The following ANK2 variants were observed in gnomAD, a reference collection of about 807,000 sequenced individuals.
ANK2 encodes ankyrin 2, also known as ankyrin-2.
In ANK2, 83 loss-of-function variants were observed where a neutral mutation model predicts 360.5. The observed-to-expected ratio is 0.23, with a 90% CI of 0.19 to 0.28. The LOEUF is 0.28. Ranked by LOEUF, ANK2 falls within the 10% of genes least tolerant of loss-of-function variation. The pLI, the probability that ANK2 is intolerant of heterozygous loss-of-function variation, is 1.00. For missense variants in ANK2, 4,201 were observed against 4,795.7 expected (o/e 0.88, Z 3.66); for synonymous variants, 1,740 against 1,759.5 (o/e 0.99, Z 0.28).
intron 22 of ANK2, among the ~76,000 whole-genome samples, chr4:113,296,551 G>C (rs2071558980): frequency 1.3e-5 from 2 of 152,116 alleles, no homozygotes; most frequent in African/African-American, 4.8e-5. Flanking sequence ...TAAAGTCGTT[G>C]TGTAGAGACC....
At chr4:113,373,474 C>T (rs2154075388) in intron 45 of ANK2, 25 bp downstream of exon 45, 2 of 1,612,454 alleles carry the variant, frequency 1.2e-6, no homozygotes, top group Non-Finnish European at 1.7e-6. Flanking sequence ...TTCTCTAAAA[C>T]CCATTTGATG....
intron 2 of ANK2, among the ~76,000 whole-genome samples, chr4:113,183,457 AC>A (rs1167546389): frequency 5.3e-5 from 8 of 152,184 alleles, no homozygotes; most frequent in African/African-American, 1.9e-4. Flanking sequence ...GTTTAGCTAA[AC>A]ACATATGGCA....
rs143404578 is a variant in ANK2, at chr4:113,354,333, G to A, written c.5715G>A (p.Ser1905=). The part of the protein sequence containing the change: ...STKTERHPPV[S]PSGKTDKRPP... The stretch of plus-strand genomic sequence containing the variant: ...AAACAGAAAGACACCCACCTGTTTC[G>A]CCTTCAGGCAAAACAGACAAACGTC... Residue 1905 remains serine (S), a synonymous_variant, in exon 38 of 46, where the codon TCG becomes TCA. Coordinates refer to ENST00000357077, the MANE Select transcript of ANK2 (RefSeq NM_001148.6). The A allele has an allele frequency of 1.4e-3, 2,263 of 1,614,016 alleles. 41 individuals carry two copies. In the South Asian group the frequency reaches 0.023, roughly 16 times the overall value.
intron 26 of ANK2, among the ~76,000 whole-genome samples, chr4:113,322,209 G>A (rs1445665732): frequency 6.6e-6 from 1 of 152,042 alleles, no homozygotes; most frequent in African/African-American, 2.4e-5. Flanking sequence ...TATGTTTCCA[G>A]TGACTAATGT....
chr4:112,729,815 G>A, the ANK2 span, among the ~76,000 whole-genome samples: 7 of 151,432 alleles, frequency 4.6e-5, no homozygotes, highest in African/African-American at 1.7e-4. Context: ...CAACTACTCA[G>A]CCTTTAAAAA....
intron 1 of ANK2, among the ~76,000 whole-genome samples, chr4:113,169,932 G>T (rs961525433): frequency 3.3e-5 from 5 of 151,990 alleles, no homozygotes; most frequent in South Asian, 2.1e-4. Flanking sequence ...ATTGTGCTTA[G>T]TAATAAAAAA....
At chr4:112,814,843 A>C (rs1550952), upstream of ANK2, among the ~76,000 whole-genome samples, 1 of 151,848 alleles carries the variant, frequency 6.6e-6, no homozygotes, top group South Asian at 2.1e-4. Context: ...ACAATTTGTC[A>C]GTGAGGCCAC....
intron 1 of ANK2, among the ~76,000 whole-genome samples, chr4:112,899,499 G>T (rs549362347): frequency 1.3e-4 from 20 of 152,208 alleles, no homozygotes; most frequent in Non-Finnish European, 2.4e-4. Context: ...TTGATGAGAG[G>T]ATTCTAAACT....
intron 1 of ANK2, among the ~76,000 whole-genome samples, chr4:113,101,432 G>A (rs917453200): frequency 6.6e-6 from 1 of 152,136 alleles, no homozygotes; most frequent in Admixed American, 6.5e-5. Flanking sequence ...CAAGGGATGT[G>A]TCAAATTCTA....
chr4:113,188,586 C>CA (rs555930897), intron 2 of ANK2, among the ~76,000 whole-genome samples: 1 of 152,010 alleles, frequency 6.6e-6, no homozygotes, highest in Non-Finnish European at 1.5e-5. Context: ...TGATCAAGAA[C>CA]AAAAAATTAC....
At chr4:112,826,509 A>G in intron 1 of ANK2, 1 of 1,218,014 alleles carries the variant, frequency 8.2e-7, no homozygotes, top group Non-Finnish European at 1.2e-6. Flanking sequence ...CACATCTGAC[A>G]AGCCTGTTAT....
intron 1 of ANK2, among the ~76,000 whole-genome samples, chr4:113,171,554 G>A (rs1251987748): frequency 6.6e-6 from 1 of 152,126 alleles, no homozygotes; most frequent in Non-Finnish European, 1.5e-5. Context: ...ATCCCTTAAA[G>A]GGGTTCTAGA....
At chr4:113,026,225 G>A (rs1248579764) in intron 2 of ANK2, among the ~76,000 whole-genome samples, 2 of 152,108 alleles carry the variant, frequency 1.3e-5, no homozygotes, top group Admixed American at 6.6e-5. Flanking sequence ...AGGAATGGGA[G>A]CACAATATTG....
chr4:113,185,265 T>C (rs192253276), intron 2 of ANK2, among the ~76,000 whole-genome samples: 12 of 152,314 alleles, frequency 7.9e-5, no homozygotes, highest in Non-Finnish European at 2.9e-5. Context: ...TAGATCTGGT[T>C]CTAGATCCTT....
chr4:113,153,390 T>C (rs2097164321), intron 1 of ANK2, among the ~76,000 whole-genome samples: 1 of 152,180 alleles, frequency 6.6e-6, no homozygotes, highest in Admixed American at 6.5e-5. Flanking sequence ...CAGAAGTACA[T>C]AGAAAAATTT....
At chr4:112,737,291 A>G in the ANK2 span, among the ~76,000 whole-genome samples, 1 of 152,212 alleles carries the variant, frequency 6.6e-6, no homozygotes, top group Non-Finnish European at 1.5e-5. Context: ...ATATTAGACT[A>G]TTGTATGTCC....
chr4:113,352,067 G>C (rs1212730941), intron 37 of ANK2, among the ~76,000 whole-genome samples: 2 of 152,150 alleles, frequency 1.3e-5, no homozygotes, highest in East Asian at 3.9e-4. Flanking sequence ...CTTCGCCACA[G>C]TAATGTTTTA....
intron 18 of ANK2, among the ~76,000 whole-genome samples, chr4:113,285,215 A>G (rs1256309629): frequency 6.6e-6 from 1 of 151,954 alleles, no homozygotes; most frequent in Non-Finnish European, 1.5e-5. Flanking sequence ...AACAATCATC[A>G]ACACAGAAGA....
chr4:112,870,184 G>T (rs2072409027), intron 1 of ANK2, among the ~76,000 whole-genome samples: 1 of 151,400 alleles, frequency 6.6e-6, no homozygotes, highest in Non-Finnish European at 1.5e-5. Flanking sequence ...TTTAGAGATG[G>T]GGCTTCACTA....
Sources: allele counts gnomAD v4.1 joint callset (sites outside exome capture counted in the v4.1 genomes callset), GRCh38; gene constraint gnomAD v4.1.1; transcripts MANE v1.5; gene names NCBI Gene and HGNC (gene_info 2026-07-23, HGNC 2026-07-21).